DNAAF8: variants seen among roughly 807,000 people sequenced by gnomAD.
DNAAF8 encodes the protein dynein axonemal assembly factor 8.
A neutral mutation model predicts 54.6 loss-of-function variants in DNAAF8; 61 were observed. The observed-to-expected ratio is 1.12, with a 90% confidence interval of 0.91 to 1.38. The LOEUF (loss-of-function observed/expected upper bound fraction) is 1.38, where lower values mean the gene tolerates loss of function less well. DNAAF8 is among the 40% of genes most tolerant of loss of function. The pLI is 0.00. For synonymous variants in DNAAF8, 320 were observed against 270.1 expected, an observed-to-expected ratio of 1.18 and a Z score of -1.81; for missense variants, 837 against 665.0, an observed-to-expected ratio of 1.26 and a Z score of -2.85.
intron 6 of DNAAF8, 60 bp from the exon 7 acceptor site, chr16:4,746,315 C>T (rs1450981271): frequency 6.5e-6 from 10 of 1,528,974 alleles, no homozygotes; most frequent in East Asian, 4.5e-5. Context: ...ACAAACCCAG[C>T]GCAGGTCACA....
At chr16:4,736,104 G>A (rs556073544) in intron 1 of DNAAF8, among the ~76,000 whole-genome samples, 1 of 151,940 alleles carries the variant, frequency 6.6e-6, no homozygotes, top group Admixed American at 6.5e-5. Flanking sequence ...ATGCTATATG[G>A]GGTATATATA....
In DNAAF8 at chr16:4,740,660, G is replaced by T; in HGVS notation, c.783+1G>T. On this transcript the variant is annotated splice_donor_variant, in intron 4 of 9. Transcript: ENST00000299320. LOFTEE classifies it high-confidence loss of function. The stretch of plus-strand genomic sequence containing the variant: ...GGGACCACCAGTGCTCTCGCTCCAG[G>T]TAGGCGCCTCCCCGTGCCTGGCTGT... 6.3e-7 allele frequency: 1 copy of T among 1,585,962 alleles called. No homozygotes were observed. The highest frequency in any genetic ancestry group is 8.5e-7 in the Non-Finnish European group (1 of 1,169,600).
At chr16:4,736,396 A>C (rs2081902019) in intron 1 of DNAAF8, 68 bp from the exon 2 acceptor site, 27 of 1,187,620 alleles carry the variant, frequency 2.3e-5, no homozygotes, top group Middle Eastern at 3.1e-4. Context: ...TACAGCTGGT[A>C]GAGCAGCCCC....
chr16:4,747,534 G>C lies in DNAAF8; in HGVS notation c.1472G>C (p.Arg491Pro), dbSNP rs201318907. The part of the protein sequence containing the change: ...LCAKGQSAQA[R>P]LPRGRPRALG... Reference sequence around the variant, plus strand: ...GCCAAGGGGCAGAGCGCCCAGGCTCGACTCCCAAGAGGCAGGCCCAGAGCC... The same window carrying C: ...GCCAAGGGGCAGAGCGCCCAGGCTCCACTCCCAAGAGGCAGGCCCAGAGCC... The change falls in exon 9 of 10, where the codon CGA becomes CCA. Residue 491 changes from arginine (R) to proline (P), a missense_variant. By Grantham distance (103) the Arg-to-Pro change is moderately radical (BLOSUM62 -2). Coordinates refer to ENST00000299320, the MANE Select transcript of DNAAF8 (RefSeq NM_139170.3). The C allele has an allele frequency of 1.2e-6, 2 of 1,612,826 alleles. No homozygotes were observed. Among genetic ancestry groups the C allele is most frequent in the Non-Finnish European group, 8.5e-7 (1 of 1,179,846 alleles).
chr16:4,735,265 C>T (rs776070214), intron 1 of DNAAF8: 6 of 152,250 alleles, frequency 3.9e-5, no homozygotes, highest in Non-Finnish European at 8.8e-5. Context: ...CTAAGAAATA[C>T]TGTGCCCTGA....
At chr16:4,740,030 G>C (rs1236836505) in intron 3 of DNAAF8, 123 bp from the exon 4 acceptor site, 2 of 1,247,810 alleles carry the variant, frequency 1.6e-6, no homozygotes, top group Non-Finnish European at 2.2e-6. Context: ...CTGCACTGCA[G>C]CCTGGGCAAC....
chr16:4,736,478 T>A lies in DNAAF8; in HGVS notation c.-37T>A, dbSNP rs757155381. 4.7e-5 allele frequency: 71 copies of A among 1,499,538 alleles called. No individual in the cohort carries two copies. Among genetic ancestry groups the A allele is most frequent in the Non-Finnish European group, 5.9e-5 (66 of 1,114,060 alleles). 92.9% of individuals were successfully genotyped at this position (1,499,538 alleles called of 1,614,324 possible). On this transcript the variant is annotated 5_prime_UTR_variant, in exon 2 of 10. The change abolishes an upstream ATG in the 5' untranslated region. Transcript: ENST00000299320. ...GTACCCCACAGAGCTCCCCGGATTA[T>A]GGTGCACTGAGAAGGCATCTGGAAG...
rs368037408 is a variant in DNAAF8, at chr16:4,739,974, G to A, written c.277-179G>A. ...CTTGGGAGGCTGAAGTGGGAGGATCGCCTGGGCCAGGGAAGTCGAGGCTGC... is the reference window on the plus strand; with the variant it reads ...CTTGGGAGGCTGAAGTGGGAGGATCACCTGGGCCAGGGAAGTCGAGGCTGC... On this transcript the variant is annotated intron_variant, in intron 3 of 9. Coordinates refer to ENST00000299320, the MANE Select transcript of DNAAF8 (RefSeq NM_139170.3). Among the ~76,000 whole-genome samples, 49 of 151,194 alleles carry A rather than the reference G, an allele frequency of 3.2e-4. 3 individuals carry two copies. The highest frequency in any genetic ancestry group is 1.7e-3 in the Admixed American group (26 of 15,170).
chr16:4,746,870 A>C (rs2341988), intron 7 of DNAAF8, 57 bp from the exon 8 acceptor site: 1 of 1,443,090 alleles, frequency 6.9e-7, no homozygotes, highest in Non-Finnish European at 9.3e-7. Context: ...AGCCCCAACA[A>C]GAGTTGGAAC....
At chr16:4,747,251 T>A in intron 8 of DNAAF8, 92 bp from the exon 9 acceptor site, 1 of 1,428,830 alleles carries the variant, frequency 7.0e-7, no homozygotes, top group East Asian at 2.3e-5. Context: ...AAATGGGAGC[T>A]GGGCTCATCT....
At chr16:4,742,979 A>G in intron 4 of DNAAF8, 64 bp from the exon 5 acceptor site, 1 of 1,277,286 alleles carries the variant, frequency 7.8e-7, no homozygotes, top group Middle Eastern at 1.9e-4. Flanking sequence ...GCAGCTGTGA[A>G]GCAGGTACTT....
At chr16:4,738,177 G>A (rs943061596) in intron 3 of DNAAF8, among the ~76,000 whole-genome samples, 6 of 151,994 alleles carry the variant, frequency 3.9e-5, no homozygotes, top group African/African-American at 7.3e-5. Context: ...TTTTCCATCC[G>A]ATTTTGACCC....
In DNAAF8 at chr16:4,740,238, G is replaced by C. The variant is rs1247708025; in HGVS notation, c.362G>C (p.Arg121Thr). 1 of 1,613,990 alleles carries C rather than the reference G, an allele frequency of 6.2e-7. No homozygotes were observed. Among genetic ancestry groups the C allele is most frequent in the South Asian group, 1.1e-5 (1 of 91,084 alleles). The change falls in exon 4 of 10, where the codon AGA becomes ACA. Residue 121 changes from arginine to threonine, a missense_variant. Physicochemically the swap from Arg to Thr is moderately conservative, Grantham distance 71. Coordinates refer to ENST00000299320, the MANE Select transcript of DNAAF8 (RefSeq NM_139170.3). ...AAGGATGCATCCTCTCAGGAAGGAA[G>C]AGACCCTGGCAGGCCTTTTGAAAGC... ...RTKDASSQEG[R>T]DPGRPFESSG...
At position 4,740,251 on chromosome 16, in the gene DNAAF8, G is replaced by A. The variant is rs1252134248; in HGVS notation, c.375G>A (p.Arg125=). Residue 125 remains arginine (R), a synonymous_variant, in exon 4 of 10, where the codon AGG becomes AGA. Coordinates refer to ENST00000299320, the MANE Select transcript of DNAAF8 (RefSeq NM_139170.3). ...CTCAGGAAGGAAGAGACCCTGGCAGGCCTTTTGAAAGCTCTGGTGAGGTCA... is the reference window on the plus strand; with the variant it reads ...CTCAGGAAGGAAGAGACCCTGGCAGACCTTTTGAAAGCTCTGGTGAGGTCA... ...ASSQEGRDPG[R]PFESSGEVSA... is the part of the protein sequence containing the mutation. 4 of 1,613,954 alleles carry A rather than the reference G, an allele frequency of 2.5e-6. No individual in the cohort carries two copies. The highest frequency in any genetic ancestry group is 3.4e-6 in the Non-Finnish European group (4 of 1,180,014).
At chr16:4,738,193 T>C (rs1235341454) in intron 3 of DNAAF8, among the ~76,000 whole-genome samples, 1 of 152,142 alleles carries the variant, frequency 6.6e-6, no homozygotes, top group African/African-American at 2.4e-5. Flanking sequence ...GACCCTTCTC[T>C]TCTTCTTGAT....
intron 4 of DNAAF8, 81 bp downstream of exon 4, chr16:4,740,740 A>C: frequency 6.9e-7 from 1 of 1,445,250 alleles, no homozygotes; most frequent in Non-Finnish European, 9.2e-7. Context: ...TGGAGCTAGA[A>C]GCAGCTTGAG....
chr16:4,747,304 C>T (rs780162180), intron 8 of DNAAF8, 39 bp from the exon 9 acceptor site: 5 of 1,521,540 alleles, frequency 3.3e-6, no homozygotes, highest in Admixed American at 2.1e-5. Flanking sequence ...AGGGGCGGCC[C>T]CCACGGGGTT....
At chr16:4,748,141 G>C (rs1169757014) in intron 9 of DNAAF8, 1 of 152,068 alleles carries the variant, frequency 6.6e-6, no homozygotes. Context: ...TACCCACACA[G>C]ATCTAATACA....
chr16:4,743,238 C>A, intron 5 of DNAAF8, 78 bp downstream of exon 5: 1 of 1,080,300 alleles, frequency 9.3e-7, no homozygotes, highest in Non-Finnish European at 1.3e-6. Flanking sequence ...CAGAGGGCTG[C>A]AGGCTGGTCA....
Sources: gnomAD v4.1 joint callset for allele counts (sites outside exome capture counted in the v4.1 genomes callset) on GRCh38, gnomAD v4.1.1 for gene constraint, MANE v1.5 for transcripts, NCBI Gene and HGNC (gene_info 2026-07-23, HGNC 2026-07-21) for gene names.